The following GRB10 variants were observed in gnomAD, a reference collection of about 807,000 sequenced individuals.
GRB10 encodes growth factor receptor-bound protein 10.
GRB10 carries 20 observed loss-of-function variants against 80.9 expected under a neutral mutation model. That is an observed-to-expected ratio of 0.25 (90% CI 0.17 to 0.36). The LOEUF (loss-of-function observed/expected upper bound fraction) is 0.36, where lower values mean the gene tolerates loss of function less well. Among genes scored for constraint, GRB10 ranks in the 10% least tolerant of loss-of-function variants. GRB10 has a pLI of 1.00. For synonymous variants in GRB10, 291 were observed against 291.5 expected (o/e 1.00, Z 0.02); for missense variants, 548 against 747.7 (o/e 0.73, Z 3.12).
intron 5 of GRB10, among the ~76,000 whole-genome samples, chr7:50,679,723 C>G (rs1052788022): frequency 6.6e-5 from 10 of 152,180 alleles, no homozygotes; most frequent in African/African-American, 2.4e-4. Flanking sequence ...AAAGCAGATT[C>G]AGTCCCTAAG....
intron 18 of GRB10, 69 bp from the exon 19 acceptor site, chr7:50,593,167 C>T: frequency 6.4e-7 from 1 of 1,555,764 alleles, no homozygotes; most frequent in East Asian, 2.2e-5. Flanking sequence ...GGGCCCACGG[C>T]CAGCAGCAGC....
intron 1 of GRB10, among the ~76,000 whole-genome samples, chr7:50,788,958 T>C (rs932490063): frequency 2.0e-5 from 3 of 152,220 alleles, no homozygotes; most frequent in African/African-American, 7.2e-5. Flanking sequence ...TGCAGGGGTC[T>C]TCACAACTTC....
intron 8 of GRB10, among the ~76,000 whole-genome samples, chr7:50,623,529 C>G (rs981209408): frequency 1.3e-5 from 2 of 152,142 alleles, no homozygotes; most frequent in African/African-American, 4.8e-5. Context: ...GCTACTCTGC[C>G]GAGTGACAGC....
chr7:50,669,585 A>T, intron 7 of GRB10, 137 bp downstream of exon 7: 1 of 837,472 alleles, frequency 1.2e-6, no homozygotes, highest in Non-Finnish European at 1.9e-6. Flanking sequence ...AAGTACTGTG[A>T]CAACAAGAAA....
intron 3 of GRB10, among the ~76,000 whole-genome samples, chr7:50,743,384 A>G (rs3801000): frequency 0.58 from 88,981 of 152,194 alleles, 28,787 homozygotes; most frequent in Middle Eastern, 0.82. Context: ...TTTTAAATCA[A>G]TACATGATCT....
At chr7:50,788,262 C>A (rs1171664756) in intron 1 of GRB10, among the ~76,000 whole-genome samples, 3 of 152,186 alleles carry the variant, frequency 2.0e-5, no homozygotes, top group Non-Finnish European at 1.5e-5. Flanking sequence ...AATAAGTAAA[C>A]TAAAGGCCCT....
At chr7:50,624,234 C>T (rs2052449823) in intron 8 of GRB10, among the ~76,000 whole-genome samples, 1 of 152,226 alleles carries the variant, frequency 6.6e-6, no homozygotes, top group African/African-American at 2.4e-5. Flanking sequence ...TGGGCAAGTG[C>T]TCTCTACAAG....
intron 2 of GRB10, among the ~76,000 whole-genome samples, chr7:50,768,097 T>C (rs2076550716): frequency 6.6e-6 from 1 of 151,858 alleles, no homozygotes; most frequent in Non-Finnish European, 1.5e-5. Context: ...CTCAAACCTC[T>C]CCCAACACCC....
intron 7 of GRB10, among the ~76,000 whole-genome samples, chr7:50,631,860 C>T (rs7807739): frequency 0.011 from 1,648 of 152,230 alleles, 32 homozygotes; most frequent in African/African-American, 0.038. Context: ...AAAGCTTGCC[C>T]GATGTCACAG....
chr7:50,709,442 C>T (rs1390613917), intron 4 of GRB10, among the ~76,000 whole-genome samples: 8 of 152,206 alleles, frequency 5.3e-5, no homozygotes, highest in Admixed American at 6.5e-5. Flanking sequence ...CTGTTCCTTC[C>T]GTAAGCCACG....
intron 7 of GRB10, among the ~76,000 whole-genome samples, chr7:50,659,769 G>A (rs959883693): frequency 4.6e-5 from 7 of 152,236 alleles, no homozygotes; most frequent in Admixed American, 6.5e-5. Context: ...TGGCCACGCC[G>A]GAGGGCATAA....
chr7:50,694,153 GT>G (rs2063162802), intron 5 of GRB10, among the ~76,000 whole-genome samples: 1 of 152,198 alleles, frequency 6.6e-6, no homozygotes, highest in African/African-American at 2.4e-5. Flanking sequence ...GCGAAACCCC[GT>G]TTCTACCCAA....
intron 4 of GRB10, among the ~76,000 whole-genome samples, chr7:50,728,904 C>G (rs942769802): frequency 1.3e-5 from 2 of 152,200 alleles, no homozygotes; most frequent in African/African-American, 4.8e-5. Flanking sequence ...CTCCTGGCCT[C>G]AAGTGGTCCA....
At chr7:50,600,973 A>C (rs2047493160) in intron 17 of GRB10, among the ~76,000 whole-genome samples, 1 of 152,252 alleles carries the variant, frequency 6.6e-6, no homozygotes, top group Non-Finnish European at 1.5e-5. Context: ...TTTGCCTGGA[A>C]ACATGGTGAA....
chr7:50,768,559 C>A (rs1031649748), intron 2 of GRB10, among the ~76,000 whole-genome samples: 1 of 152,192 alleles, frequency 6.6e-6, no homozygotes, highest in African/African-American at 2.4e-5. Context: ...TCACTATGTT[C>A]TCAATCTTAG....
At chr7:50,737,945 A>G (rs1291787799) in intron 3 of GRB10, among the ~76,000 whole-genome samples, 3 of 152,162 alleles carry the variant, frequency 2.0e-5, no homozygotes, top group Non-Finnish European at 4.4e-5. Context: ...ACCTCATCTA[A>G]AAAGGCACAA....
chr7:50,614,233 T>C (rs902277227), intron 12 of GRB10, among the ~76,000 whole-genome samples: 9 of 152,224 alleles, frequency 5.9e-5, no homozygotes, highest in Non-Finnish European at 2.9e-5. Flanking sequence ...CAAAGGTGTA[T>C]GTCTATACAT....
intron 4 of GRB10, among the ~76,000 whole-genome samples, chr7:50,712,242 A>C (rs555387077): frequency 1.3e-5 from 2 of 152,264 alleles, no homozygotes; most frequent in African/African-American, 4.8e-5. Flanking sequence ...TTTCTCACCC[A>C]AAGTGACACT....
chr7:50,664,115 C>A (rs184510438), intron 7 of GRB10, among the ~76,000 whole-genome samples: 2 of 152,208 alleles, frequency 1.3e-5, no homozygotes, highest in African/African-American at 4.8e-5. Context: ...TGGACACCGA[C>A]GCTCAGTCTT....
Sources: allele counts gnomAD v4.1 joint callset (sites outside exome capture counted in the v4.1 genomes callset), GRCh38; gene constraint gnomAD v4.1.1; transcripts MANE v1.5; gene names NCBI Gene and HGNC (gene_info 2026-07-23, HGNC 2026-07-21).